Variants in SMIM40 observed in about 807,000 individuals in gnomAD.
SMIM40 encodes small integral membrane protein 40.
At chr6:33,324,545 C>CTTTTTTTTT (rs9280406) in intron 1 of SMIM40, among the ~76,000 whole-genome samples, 2 of 103,212 alleles carry the variant, frequency 1.9e-5, no homozygotes, top group South Asian at 3.4e-4. Context: ...ACCACCTTTT[C>CTTTTTTTTT]TTTTTTTTTT....
chr6:33,329,187 C>T lies in SMIM40; in HGVS notation c.79G>A (p.Val27Met), dbSNP rs1020089570. The T allele has an allele frequency of 1.8e-5, 7 of 398,672 alleles. No individual in the cohort carries two copies. The highest frequency in any genetic ancestry group is 1.3e-4 in the South Asian group (1 of 7,868). The allele number at this position is 398,672 out of a possible 1,614,324, so 24.7% of individuals were successfully genotyped here. ...AQGPSPPRGPVRRALDKAFFI... is the reference protein window; with the variant it reads ...AQGPSPPRGPMRRALDKAFFI... ...AAAGCCTTGTCCAAGGCACGTCGCA[C>T]GGGACCCCTGGGAGGGGAGGGACCC... The change falls in exon 1 of 3, where the codon GTG (valine) becomes ATG (methionine). Residue 27 changes from valine to methionine, a missense_variant. Coordinates refer to ENST00000494082, the MANE Select transcript of SMIM40 (RefSeq NM_001369203.1).
intron 1 of SMIM40, among the ~76,000 whole-genome samples, chr6:33,325,880 G>A (rs1206997732): frequency 2.0e-5 from 3 of 147,304 alleles, no homozygotes; most frequent in East Asian, 2.0e-4. Flanking sequence ...AAAAGTGTAC[G>A]ATCACATGTT....
intron 1 of SMIM40, among the ~76,000 whole-genome samples, chr6:33,324,545 C>CTTTTTTTTTTTTTTTTTTTTTTCTTTTTT: frequency 9.7e-6 from 1 of 103,214 alleles, no homozygotes; most frequent in Non-Finnish European, 1.9e-5. Context: ...ACCACCTTTT[C>CTTTTTTTTTTTTTTTTTTTTTTCTTTTTT]TTTTTTTTTT....
Position 33,329,034 on chromosome 6 carries a change from C to A in SMIM40, c.232G>T (p.Glu78Ter). The change falls in exon 1 of 3, where the codon GAA (glutamate) becomes TAA (stop). Residue 78 changes from glutamate to a stop codon, truncating the protein, a stop_gained. Transcript: ENST00000494082. LOFTEE classifies it low-confidence loss of function (END_TRUNC). ...LGTPQKEEELEL is the reference protein window; with the variant it reads ...LGTPQKEEEL ...GTTTATAGGAAAGGTGGTCACAATT[C>A]CAGCTCCTCCTCCTTCTGAGGTGTC... is the stretch of plus-strand genomic sequence containing the variant. 1 of 398,786 alleles carries A rather than the reference C, an allele frequency of 2.5e-6. No homozygotes were observed. Among genetic ancestry groups the A allele is most frequent in the South Asian group, 1.3e-4 (1 of 7,848 alleles). 24.7% of individuals were successfully genotyped at this position (398,786 alleles called of 1,614,324 possible).
intron 1 of SMIM40, among the ~76,000 whole-genome samples, chr6:33,326,364 T>C: frequency 6.9e-6 from 1 of 145,910 alleles, no homozygotes; most frequent in East Asian, 2.0e-4. Context: ...TTTTAGTGGA[T>C]ATGGGTTTTT....
At chr6:33,323,898 G>A (rs1216118448) in intron 2 of SMIM40, 34 bp from the exon 3 acceptor site, 2 of 152,212 alleles carry the variant, frequency 1.3e-5, no homozygotes, top group Non-Finnish European at 2.9e-5. Flanking sequence ...AAAATACTTT[G>A]GGTCTCCTCC....
chr6:33,327,336 C>T (rs1190943229), intron 1 of SMIM40, among the ~76,000 whole-genome samples: 1 of 147,978 alleles, frequency 6.8e-6, no homozygotes, highest in African/African-American at 2.7e-5. Context: ...GCAGAAGAAT[C>T]GCTTGAACCC....
intron 1 of SMIM40, among the ~76,000 whole-genome samples, chr6:33,327,293 G>A (rs1011743256): frequency 6.7e-6 from 1 of 149,090 alleles, no homozygotes; most frequent in East Asian, 1.9e-4. Flanking sequence ...GTGGTGGCTC[G>A]CGCCTTTAGT....
At chr6:33,327,629 G>T (rs567038164) in intron 1 of SMIM40, among the ~76,000 whole-genome samples, 1 of 152,032 alleles carries the variant, frequency 6.6e-6, no homozygotes, top group African/African-American at 2.4e-5. Flanking sequence ...GGAGGCTGAG[G>T]TGGGCGGATC....
intron 1 of SMIM40, among the ~76,000 whole-genome samples, chr6:33,327,756 G>A (rs1771294266): frequency 6.6e-6 from 1 of 150,508 alleles, no homozygotes; most frequent in Admixed American, 6.7e-5. Context: ...GCTATTTGGG[G>A]GCCTGAGGCA....
chr6:33,324,545 C>CTTTTT (rs9280406), intron 1 of SMIM40, among the ~76,000 whole-genome samples: 52 of 102,994 alleles, frequency 5.0e-4, no homozygotes, highest in Non-Finnish European at 7.0e-4. Flanking sequence ...ACCACCTTTT[C>CTTTTT]TTTTTTTTTT....
At chr6:33,326,699 C>T (rs1771201139) in intron 1 of SMIM40, among the ~76,000 whole-genome samples, 1 of 147,644 alleles carries the variant, frequency 6.8e-6, no homozygotes, top group Non-Finnish European at 1.5e-5. Context: ...GTCGTGGGCG[C>T]CTGTAATCCC....
intron 1 of SMIM40, among the ~76,000 whole-genome samples, chr6:33,326,434 C>T (rs1562743399): frequency 6.7e-6 from 1 of 148,458 alleles, no homozygotes; most frequent in Non-Finnish European, 1.5e-5. Context: ...ACTCAGCCTC[C>T]CAAAGTGCTG....
chr6:33,328,886 CAAAA>C, intron 1 of SMIM40, 97 bp downstream of exon 1: 265 of 273,204 alleles, frequency 9.7e-4, no homozygotes, highest in East Asian at 3.1e-3. Flanking sequence ...AACTCCATCT[CAAAA>C]AAAAAAAAAA....
At position 33,324,551 on chromosome 6, in the gene SMIM40, T is replaced by C. The variant is rs1196788061; in HGVS notation, c.*40-521A>G. Among the ~76,000 whole-genome samples the C allele has an allele frequency of 9.8e-4, 145 of 148,318 alleles. 3 individuals are homozygous for C. The East Asian group carries it at 0.016, about 16-fold the overall frequency. On this transcript the variant is annotated intron_variant, in intron 1 of 2. Transcript: ENST00000494082. ...ACCATGAATACCACCTTTTCTTTTT[T>C]TTTTTTTTTTTTTTCCTTTCTTTTG...
At chr6:33,325,695 A>C (rs1283667731) in intron 1 of SMIM40, among the ~76,000 whole-genome samples, 4 of 146,760 alleles carry the variant, frequency 2.7e-5, no homozygotes, top group African/African-American at 1.1e-4. Flanking sequence ...CCAAAAAAAA[A>C]AAAAAAAAAA....
chr6:33,324,545 C>CTTTTTTTTTTTTTTTTTTTCTTTTCTTTT (rs1771014602), intron 1 of SMIM40, among the ~76,000 whole-genome samples: 1 of 103,216 alleles, frequency 9.7e-6, no homozygotes, highest in East Asian at 2.8e-4. Flanking sequence ...ACCACCTTTT[C>CTTTTTTTTTTTTTTTTTTTCTTTTCTTTT]TTTTTTTTTT....
chr6:33,326,639 A>G lies in SMIM40; in HGVS notation c.*39+2348T>C, dbSNP rs1771191643. On this transcript the variant is annotated intron_variant, in intron 1 of 2. Coordinates refer to ENST00000494082, the MANE Select transcript of SMIM40 (RefSeq NM_001369203.1). ...CAGGAGTTCGAGACCAGCCTGACCAACATGAGGAAACCTCGTCTCTACTAG... is the reference window on the plus strand; with the variant it reads ...CAGGAGTTCGAGACCAGCCTGACCAGCATGAGGAAACCTCGTCTCTACTAG... Among the ~76,000 whole-genome samples the G allele has an allele frequency of 2.0e-5, 3 of 147,304 alleles. No individual in the cohort carries two copies. In the South Asian group the frequency reaches 6.3e-4, roughly 31 times the overall value.
At chr6:33,328,499 A>G (rs1005836581) in intron 1 of SMIM40, among the ~76,000 whole-genome samples, 1 of 151,956 alleles carries the variant, frequency 6.6e-6, no homozygotes, top group Admixed American at 6.6e-5. Flanking sequence ...CACAATTTTA[A>G]TTTATGATGA....
Sources: gnomAD v4.1 joint callset for allele counts (sites outside exome capture counted in the v4.1 genomes callset) on GRCh38, gnomAD v4.1.1 for gene constraint, MANE v1.5 for transcripts, NCBI Gene and HGNC (gene_info 2026-07-23, HGNC 2026-07-21) for gene names.